Variants in CCDC91 observed in about 807,000 individuals in gnomAD.
The protein encoded by CCDC91 is coiled-coil domain containing 91.
A neutral mutation model predicts 63.2 loss-of-function variants in CCDC91; 48 were observed. The ratio of observed to expected loss-of-function variants is 0.76; its 90% confidence interval spans 0.60 to 0.97. CCDC91 has a LOEUF of 0.97. CCDC91 is among the 50% of genes least tolerant of loss of function. The pLI is 0.00. For missense variants in CCDC91, 500 were observed against 494.6 expected, an observed-to-expected ratio of 1.01 and a Z score of -0.10; for synonymous variants, 167 against 165.8, an observed-to-expected ratio of 1.01 and a Z score of -0.06.
At chr12:28,220,619 A>G (rs1170742858) in intron 1 of CCDC91, among the ~76,000 whole-genome samples, 1 of 151,878 alleles carries the variant, frequency 6.6e-6, no homozygotes, top group African/African-American at 2.4e-5. Context: ...TTCTTTTAGT[A>G]CAGGTCTGGT....
rs111817343 is a variant in CCDC91 at position 28,390,459 on chromosome 12, G to A, written c.655-845G>A. On this transcript the variant is annotated intron_variant, in intron 7 of 12. Transcript: ENST00000536442. ...TTTAGAGTTTATAAATAGCATGAAA[G>A]ATATTACTGAGAACTTGTTGATATA... Among the ~76,000 whole-genome samples, 391 of 152,150 alleles carry A rather than the reference G, an allele frequency of 2.6e-3. 2 individuals carry two copies. Among genetic ancestry groups the A allele is most frequent in the African/African-American group, 9.2e-3 (383 of 41,538 alleles).
At chr12:28,453,808 C>G (rs374609253) in intron 11 of CCDC91, among the ~76,000 whole-genome samples, 35 of 151,968 alleles carry the variant, frequency 2.3e-4, no homozygotes, top group African/African-American at 8.0e-4. Context: ...AGTTCTTATT[C>G]GGGAGAGTTT....
At chr12:28,372,895 C>G (rs1944710740) in intron 7 of CCDC91, among the ~76,000 whole-genome samples, 1 of 152,010 alleles carries the variant, frequency 6.6e-6, no homozygotes, top group Non-Finnish European at 1.5e-5. Context: ...GATGGGCATC[C>G]TTGTCTTGTT....
intron 11 of CCDC91, among the ~76,000 whole-genome samples, chr12:28,458,615 G>A (rs1950170034): frequency 6.6e-6 from 1 of 151,432 alleles, no homozygotes; most frequent in Non-Finnish European, 1.5e-5. Flanking sequence ...AACTACAGGT[G>A]CACACCACCA....
At chr12:28,367,957 C>T (rs1414319608) in intron 7 of CCDC91, among the ~76,000 whole-genome samples, 1 of 152,162 alleles carries the variant, frequency 6.6e-6, no homozygotes, top group Non-Finnish European at 1.5e-5. Context: ...TGGGTGCAAG[C>T]TGCAACATTA....
chr12:28,384,591 CTAAATGAATAA>C (rs1401489846), intron 7 of CCDC91, among the ~76,000 whole-genome samples: 3 of 151,974 alleles, frequency 2.0e-5, no homozygotes, highest in African/African-American at 4.8e-5. Context: ...TATTTATTGA[CTAAATGAATAA>C]TAAATGAATA....
chr12:28,376,179 A>G (rs563822082), intron 7 of CCDC91, among the ~76,000 whole-genome samples: 1 of 151,870 alleles, frequency 6.6e-6, no homozygotes, highest in East Asian at 1.9e-4. Flanking sequence ...CCATTGTCCT[A>G]TCTTTTTATA....
chr12:28,399,687 T>C (rs1015483731), intron 8 of CCDC91, among the ~76,000 whole-genome samples: 18 of 152,166 alleles, frequency 1.2e-4, no homozygotes, highest in Admixed American at 1.2e-3. Flanking sequence ...ATGCACTTAT[T>C]CCAAATGGGA....
At chr12:28,429,481 A>G (rs1447584782) in intron 8 of CCDC91, among the ~76,000 whole-genome samples, 1 of 152,074 alleles carries the variant, frequency 6.6e-6, no homozygotes, top group South Asian at 2.1e-4. Context: ...TAACATTATC[A>G]TGGGAAACAT....
chr12:28,485,234 C>G (rs11049660), intron 12 of CCDC91, among the ~76,000 whole-genome samples: 13 of 151,688 alleles, frequency 8.6e-5, no homozygotes, highest in African/African-American at 3.2e-4. Context: ...TCTCCGCTCA[C>G]TGTAACCTCT....
At chr12:28,307,492 T>A (rs1172265672) in intron 5 of CCDC91, among the ~76,000 whole-genome samples, 153 bp from the exon 6 acceptor site, 2 of 151,862 alleles carry the variant, frequency 1.3e-5, no homozygotes, top group African/African-American at 2.4e-5. Flanking sequence ...GAAATTAGAG[T>A]GAAGCATATA....
intron 12 of CCDC91, among the ~76,000 whole-genome samples, chr12:28,535,045 T>G (rs1942039667): frequency 6.6e-6 from 1 of 152,200 alleles, no homozygotes; most frequent in African/African-American, 2.4e-5. Flanking sequence ...TCATACAGCT[T>G]TTGACTTCCA....
intron 8 of CCDC91, among the ~76,000 whole-genome samples, chr12:28,442,489 G>A (rs752812569): frequency 6.6e-5 from 10 of 152,072 alleles, no homozygotes; most frequent in African/African-American, 1.4e-4. Context: ...CCAATTTGCC[G>A]CTGTGAATGG....
At position 28,317,315 on chromosome 12, in the gene CCDC91, C is replaced by G. The variant is rs558031758; in HGVS notation, c.576+9566C>G. Reference sequence around the variant, plus strand: ...ATTGTTAATACCATATTCTTAGATTCTTTTCCCTGCTGATTGCTGTTAAAG... The same window carrying G: ...ATTGTTAATACCATATTCTTAGATTGTTTTCCCTGCTGATTGCTGTTAAAG... On this transcript the variant is annotated intron_variant, in intron 6 of 12. Transcript: ENST00000536442. Among the ~76,000 whole-genome samples the G allele has an allele frequency of 1.2e-4, 18 of 152,068 alleles. 1 individual carries two copies. Among genetic ancestry groups the G allele is most frequent in the Non-Finnish European group, 2.9e-5 (2 of 67,934 alleles).
intron 6 of CCDC91, among the ~76,000 whole-genome samples, chr12:28,310,382 T>C (rs1324590214): frequency 6.6e-6 from 1 of 152,072 alleles, no homozygotes; most frequent in African/African-American, 2.4e-5. Context: ...ATTATCATTG[T>C]TGTCTCACTG....
At chr12:28,523,306 T>C (rs906843274) in intron 12 of CCDC91, among the ~76,000 whole-genome samples, 2 of 152,240 alleles carry the variant, frequency 1.3e-5, no homozygotes, top group South Asian at 4.1e-4. Context: ...TCTTGTTGAA[T>C]TGATCCCTTT....
At chr12:28,323,243 A>G (rs1240980661) in intron 6 of CCDC91, among the ~76,000 whole-genome samples, 1 of 151,670 alleles carries the variant, frequency 6.6e-6, no homozygotes, top group Non-Finnish European at 1.5e-5. Flanking sequence ...ATATTTGTCT[A>G]TGTTCAATTC....
At chr12:28,232,756 T>C (rs962501846) in intron 1 of CCDC91, among the ~76,000 whole-genome samples, 3 of 152,122 alleles carry the variant, frequency 2.0e-5, no homozygotes, top group Non-Finnish European at 4.4e-5. Flanking sequence ...CTTGTTCTGT[T>C]ACCAACTAGC....
chr12:28,467,803 G>A (rs1950617966), intron 11 of CCDC91, among the ~76,000 whole-genome samples: 1 of 151,820 alleles, frequency 6.6e-6, no homozygotes, highest in Non-Finnish European at 1.5e-5. Context: ...TCAATAACAA[G>A]AGGAATTTTG....
Sources: gnomAD v4.1 joint callset for allele counts (sites outside exome capture counted in the v4.1 genomes callset) on GRCh38, gnomAD v4.1.1 for gene constraint, MANE v1.5 for transcripts, NCBI Gene and HGNC (gene_info 2026-07-23, HGNC 2026-07-21) for gene names.